The following CATSPERE variants were observed in gnomAD, a reference collection of about 807,000 sequenced individuals.
The protein encoded by CATSPERE is catsper channel auxiliary subunit epsilon, also known as cation channel sperm-associated auxiliary subunit epsilon.
Under a neutral mutation model 114.1 loss-of-function variants are expected in CATSPERE, and 93 were observed. The ratio of observed to expected loss-of-function variants is 0.81; its 90% CI spans 0.69 to 0.97. The LOEUF (loss-of-function observed/expected upper bound fraction) is 0.97. Among genes scored for constraint, CATSPERE ranks in the 50% least tolerant of loss-of-function variants. The pLI is 0.00. For missense variants in CATSPERE, 1,058 were observed against 1,131.6 expected (o/e 0.93, Z 0.93); for synonymous variants, 341 against 384.1 (o/e 0.89, Z 1.31).
At chr1:244,574,432 A>G (rs1664937209) in intron 11 of CATSPERE, among the ~76,000 whole-genome samples, 1 of 152,182 alleles carries the variant, frequency 6.6e-6, no homozygotes, top group African/African-American at 2.4e-5. Flanking sequence ...AGAAACTATT[A>G]TTTCTAACAC....
At chr1:244,524,971 C>T (rs1465769208) in intron 8 of CATSPERE, among the ~76,000 whole-genome samples, 1 of 146,250 alleles carries the variant, frequency 6.8e-6, no homozygotes, top group African/African-American at 2.7e-5. Flanking sequence ...CCATTTGACC[C>T]AGCCATCCCA....
At chr1:244,500,773 T>A (rs745366545) in intron 7 of CATSPERE, among the ~76,000 whole-genome samples, 10 of 152,230 alleles carry the variant, frequency 6.6e-5, no homozygotes, top group Non-Finnish European at 1.2e-4. Flanking sequence ...TCAAGTCAGG[T>A]AGCGTGATGC....
intron 20 of CATSPERE, among the ~76,000 whole-genome samples, chr1:244,635,048 T>C (rs1471637708): frequency 6.6e-6 from 1 of 152,252 alleles, no homozygotes; most frequent in Non-Finnish European, 1.5e-5. Flanking sequence ...TTTCACCATG[T>C]TGGCCAGGTC....
At chr1:244,580,635 T>G (rs1302977027) in intron 11 of CATSPERE, among the ~76,000 whole-genome samples, 6 of 152,150 alleles carry the variant, frequency 3.9e-5, no homozygotes, top group African/African-American at 1.4e-4. Flanking sequence ...CCCAAAGCCC[T>G]CCTGTGTTTT....
intron 7 of CATSPERE, among the ~76,000 whole-genome samples, chr1:244,505,856 A>G (rs1674740504): frequency 1.3e-5 from 2 of 152,102 alleles, no homozygotes; most frequent in Admixed American, 1.3e-4. Flanking sequence ...AATACAAAAA[A>G]TTAGCTGGGC....
At chr1:244,556,088 C>T (rs533663690) in intron 9 of CATSPERE, among the ~76,000 whole-genome samples, 13 of 152,248 alleles carry the variant, frequency 8.5e-5, no homozygotes, top group Non-Finnish European at 1.5e-4. Context: ...GTCCCAGCTA[C>T]TTGGAATGCT....
At chr1:244,510,812 C>CTT in intron 7 of CATSPERE, among the ~76,000 whole-genome samples, 1 of 84,288 alleles carries the variant, frequency 1.2e-5, no homozygotes, top group East Asian at 3.2e-4. Context: ...ACATTTCTTT[C>CTT]TTTTTTTTTT....
rs745313436 is a variant in CATSPERE, at chr1:244,549,192, A to C, written c.537-3130A>C. 7.2e-4 allele frequency among the ~76,000 whole-genome samples: 109 copies of C among 152,190 alleles called. 1 individual carries two copies. The highest frequency in any genetic ancestry group is 2.1e-4 in the Non-Finnish European group (14 of 68,038). On this transcript the variant is annotated intron_variant, in intron 8 of 21. Transcript: ENST00000366534. ...ACTATAAGAACCCATTCCAGCCAAA[A>C]CTACAAATGGCCCAGACACTTTAGG...
rs1205299199 is a variant in CATSPERE at position 244,640,236 on chromosome 1, T to G, written c.*155T>G. 2 of 553,232 alleles carry G rather than the reference T, an allele frequency of 3.6e-6. No homozygotes were observed. Among genetic ancestry groups the G allele is most frequent in the Non-Finnish European group, 6.2e-6 (2 of 322,836 alleles). The allele number at this position is 553,232 out of a possible 1,614,324, so 34.3% of individuals were successfully genotyped here. On this transcript the variant is annotated 3_prime_UTR_variant, in exon 22 of 22. Coordinates refer to ENST00000366534, the MANE Select transcript of CATSPERE (RefSeq NM_001130957.2). ...AGATCTGAAAAATATTCTTGAACTATCTCCAAAATAGAAATGTTTTCATAT... is the reference window on the plus strand; with the variant it reads ...AGATCTGAAAAATATTCTTGAACTAGCTCCAAAATAGAAATGTTTTCATAT...
chr1:244,595,250 G>GC (rs1478489157), intron 17 of CATSPERE, among the ~76,000 whole-genome samples: 4 of 152,178 alleles, frequency 2.6e-5, no homozygotes, highest in Admixed American at 2.6e-4. Context: ...CAGATATGCT[G>GC]AGTGTAATGA....
chr1:244,553,105 CAA>C (rs1425821933), intron 9 of CATSPERE, among the ~76,000 whole-genome samples: 2 of 152,118 alleles, frequency 1.3e-5, no homozygotes, highest in African/African-American at 4.8e-5. Flanking sequence ...TTTCCCCAAA[CAA>C]AGATTATATG....
chr1:244,457,552 T>C (rs1558292612), upstream of CATSPERE: 1 of 152,196 alleles, frequency 6.6e-6, no homozygotes, highest in Non-Finnish European at 1.5e-5. Context: ...CTATCTTCAT[T>C]GGATCTTCTT....
At position 244,585,781 on chromosome 1, in the gene CATSPERE, C is replaced by T. The variant is rs1431619926; in HGVS notation, c.2085+1842C>T. ...TGTCTTTATCTTTTAGTGTTCAGAG[C>T]CTGCAGCAGAGCAGCAAATAGAACT... On this transcript the variant is annotated intron_variant, in intron 13 of 21. Transcript: ENST00000366534. Among the ~76,000 whole-genome samples the T allele has an allele frequency of 3.9e-5, 6 of 152,334 alleles. No homozygotes were observed. In the South Asian group the frequency reaches 1.0e-3, roughly 26 times the overall value.
chr1:244,572,686 A>T lies in CATSPERE; in HGVS notation c.1864A>T (p.Ile622Phe). The T allele has an allele frequency of 6.2e-7, 1 of 1,613,994 alleles. No individual in the cohort carries two copies. The highest frequency in any genetic ancestry group is 1.1e-5 in the South Asian group (1 of 91,026). ...VYPENTGLYV[I>F]VESYGPKILQ... ...TCCAGAAAACACTGGTCTGTATGTT[A>T]TTGTGGAATCTTATGGCCCAAAAAT... is the stretch of plus-strand genomic sequence containing the variant. Residue 622 changes from isoleucine (I) to phenylalanine (F), a missense_variant, in exon 11 of 22, where the codon ATT (isoleucine) becomes TTT (phenylalanine). Transcript: ENST00000366534.
Position 244,539,717 on chromosome 1 carries a change from G to A in CATSPERE, c.537-12605G>A, listed in dbSNP as rs760648554. ...TTAGTCTTGGGAGAGTGTATGTGTC[G>A]AGGAATTTATCCATTTCTTCTAGAT... On this transcript the variant is annotated intron_variant, in intron 8 of 21. Coordinates refer to ENST00000366534, the MANE Select transcript of CATSPERE (RefSeq NM_001130957.2). Among the ~76,000 whole-genome samples the A allele has an allele frequency of 3.0e-3, 364 of 120,086 alleles. 1 individual carries two copies. The highest frequency in any genetic ancestry group is 5.5e-3 in the Non-Finnish European group (312 of 56,490). 78.8% of individuals were successfully genotyped at this position (120,086 alleles called of 152,430 possible).
chr1:244,623,373 G>C (rs572821515), intron 20 of CATSPERE, among the ~76,000 whole-genome samples: 3 of 152,052 alleles, frequency 2.0e-5, no homozygotes, highest in Non-Finnish European at 4.4e-5. Context: ...CCACCACCTC[G>C]TTACCTTCTT....
chr1:244,593,315 C>T, intron 15 of CATSPERE, 80 bp from the exon 16 acceptor site: 1 of 1,441,210 alleles, frequency 6.9e-7, no homozygotes, highest in South Asian at 1.2e-5. Flanking sequence ...TGTGATACCT[C>T]CTTACCTAAA....
chr1:244,558,676 G>A (rs1166982131), intron 9 of CATSPERE, among the ~76,000 whole-genome samples: 1 of 152,070 alleles, frequency 6.6e-6, no homozygotes, highest in Non-Finnish European at 1.5e-5. Flanking sequence ...TGGTCATTGG[G>A]TAATTAACTT....
intron 8 of CATSPERE, among the ~76,000 whole-genome samples, chr1:244,550,366 G>A (rs1448024953): frequency 3.9e-5 from 6 of 152,022 alleles, no homozygotes; most frequent in African/African-American, 1.5e-4. Context: ...GCTATACAGT[G>A]GAAAGCCAAA....
Sources: allele counts gnomAD v4.1 joint callset (sites outside exome capture counted in the v4.1 genomes callset), GRCh38; gene constraint gnomAD v4.1.1; transcripts MANE v1.5; gene names NCBI Gene and HGNC (gene_info 2026-07-23, HGNC 2026-07-21).